The following PTPRD variants were observed in gnomAD, a reference collection of about 807,000 sequenced individuals.
The protein encoded by PTPRD is protein tyrosine phosphatase receptor type D.
A neutral mutation model predicts 214.5 loss-of-function variants in PTPRD; 34 were observed. The observed-to-expected ratio is 0.16, with a 90% CI of 0.12 to 0.21. The LOEUF is 0.21. PTPRD is among the 10% of genes least tolerant of loss of function. PTPRD has a pLI of 1.00. For missense variants in PTPRD, 2,545 were observed against 2,398.7 expected (o/e 1.06, Z -1.27); for synonymous variants, 1,128 against 845.7 (o/e 1.33, Z -5.79).
At chr9:8,539,726 A>G (rs2077878349) in intron 14 of PTPRD, among the ~76,000 whole-genome samples, 2 of 152,070 alleles carry the variant, frequency 1.3e-5, no homozygotes, top group South Asian at 4.1e-4. Flanking sequence ...CCAAACAAGA[A>G]CATTTTGTTA....
chr9:10,465,608 G>A (rs902261552), intron 2 of PTPRD, among the ~76,000 whole-genome samples: 1 of 152,114 alleles, frequency 6.6e-6, no homozygotes, highest in South Asian at 2.1e-4. Context: ...ATACTGAAAA[G>A]CATCACCTTT....
intron 8 of PTPRD, among the ~76,000 whole-genome samples, chr9:9,443,544 G>T (rs747994351): frequency 3.3e-5 from 5 of 152,168 alleles, no homozygotes; most frequent in Non-Finnish European, 7.4e-5. Flanking sequence ...GAGAAAACTG[G>T]CAACTTTGGC....
chr9:10,531,892 T>C (rs833431), intron 2 of PTPRD, among the ~76,000 whole-genome samples: 25,487 of 152,140 alleles, frequency 0.17, 2,816 homozygotes, highest in East Asian at 0.5. Flanking sequence ...AAGTGGACAA[T>C]GGTAACTTTC....
In PTPRD at chr9:10,068,665, C is replaced by T. The variant is rs886605387; in HGVS notation, c.-544-34875G>A. ...TTAGAAACTGGTGTAACCACAAGAG[C>T]TTTTGATGTACCTTTACTCTGTGCC... On this transcript the variant is annotated intron_variant, in intron 3 of 45. Transcript: ENST00000381196. Among the ~76,000 whole-genome samples, 4 of 151,766 alleles carry T rather than the reference C, an allele frequency of 2.6e-5. No individual in the cohort carries two copies. The South Asian group carries it at 8.3e-4, about 31-fold the overall frequency.
At chr9:10,292,200 G>A (rs2095546795) in intron 3 of PTPRD, among the ~76,000 whole-genome samples, 1 of 151,904 alleles carries the variant, frequency 6.6e-6, no homozygotes, top group African/African-American at 2.4e-5. Context: ...AAGATACTGA[G>A]GAGACATGTT....
intron 30 of PTPRD, among the ~76,000 whole-genome samples, chr9:8,471,451 T>A (rs898122244): frequency 6.6e-6 from 1 of 152,100 alleles, no homozygotes; most frequent in Non-Finnish European, 1.5e-5. Flanking sequence ...ATGACATGAA[T>A]TTATAAGAAG....
At chr9:10,203,556 C>A (rs747091250) in intron 3 of PTPRD, among the ~76,000 whole-genome samples, 3 of 152,110 alleles carry the variant, frequency 2.0e-5, no homozygotes, top group Non-Finnish European at 4.4e-5. Context: ...TGTGGTTTTA[C>A]AATGACTTCT....
intron 9 of PTPRD, among the ~76,000 whole-genome samples, chr9:9,382,927 G>T (rs577281539): frequency 1.3e-5 from 2 of 151,986 alleles, no homozygotes; most frequent in East Asian, 3.9e-4. Context: ...TAGATAAATG[G>T]ATAAATGAAA....
At chr9:10,079,362 G>A (rs192473499) in intron 3 of PTPRD, among the ~76,000 whole-genome samples, 22 of 152,140 alleles carry the variant, frequency 1.4e-4, no homozygotes, top group Admixed American at 7.2e-4. Flanking sequence ...ATGGTAATAC[G>A]CTTTTTAAAC....
intron 8 of PTPRD, among the ~76,000 whole-genome samples, chr9:9,477,771 T>C (rs965324885): frequency 6.6e-6 from 1 of 152,200 alleles, no homozygotes; most frequent in African/African-American, 2.4e-5. Context: ...ATGAGATCTA[T>C]GCAAAGGATG....
intron 9 of PTPRD, among the ~76,000 whole-genome samples, chr9:9,351,521 C>T (rs1285142954): frequency 6.6e-6 from 1 of 151,988 alleles, no homozygotes; most frequent in Non-Finnish European, 1.5e-5. Flanking sequence ...TTCACGTGAA[C>T]CTTCCTAGGT....
intron 11 of PTPRD, among the ~76,000 whole-genome samples, chr9:8,929,765 A>ATGTGTGTATATATG (rs1301850611): frequency 4.2e-5 from 2 of 48,166 alleles, no homozygotes; most frequent in African/African-American, 7.6e-5. Context: ...ATGTATATAT[A>ATGTGTGTATATATG]TGTGTATATA....
chr9:8,554,978 G>GTA (rs1233503161), intron 14 of PTPRD, among the ~76,000 whole-genome samples: 18 of 145,528 alleles, frequency 1.2e-4, no homozygotes, highest in African/African-American at 5.1e-4. Context: ...ATCCAATTAT[G>GTA]TATATATACA....
At chr9:8,386,785 C>G (rs2087237516) in intron 37 of PTPRD, among the ~76,000 whole-genome samples, 2 of 152,184 alleles carry the variant, frequency 1.3e-5, no homozygotes, top group Admixed American at 1.3e-4. Flanking sequence ...CCAGGAATGC[C>G]TTCTCCTTTC....
chr9:10,012,825 G>C (rs2096629118), intron 4 of PTPRD, among the ~76,000 whole-genome samples: 1 of 151,804 alleles, frequency 6.6e-6, no homozygotes, highest in Non-Finnish European at 1.5e-5. Context: ...TATGTAATTG[G>C]GATAGCTGCT....
At chr9:9,397,052 T>C (rs758909988) in intron 9 of PTPRD, among the ~76,000 whole-genome samples, 3 of 152,036 alleles carry the variant, frequency 2.0e-5, no homozygotes, top group Admixed American at 6.6e-5. Context: ...CTTTCTCTTA[T>C]GGTATGGATA....
chr9:8,335,430 C>A (rs1228911440), intron 43 of PTPRD, among the ~76,000 whole-genome samples: 1 of 152,132 alleles, frequency 6.6e-6, no homozygotes, highest in East Asian at 1.9e-4. Context: ...AGGCCTTTGG[C>A]AAAATTCAAC....
chr9:9,957,312 G>A (rs932473996), intron 4 of PTPRD, among the ~76,000 whole-genome samples: 2 of 152,000 alleles, frequency 1.3e-5, no homozygotes, highest in African/African-American at 4.8e-5. Flanking sequence ...AAACATTAAT[G>A]TACAACCTAA....
At chr9:9,356,046 T>G (rs960736979) in intron 9 of PTPRD, among the ~76,000 whole-genome samples, 1 of 151,242 alleles carries the variant, frequency 6.6e-6, no homozygotes, top group African/African-American at 2.4e-5. Flanking sequence ...CAAGTTTTAG[T>G]GGAATGATGG....
Sources: allele counts gnomAD v4.1 joint callset (sites outside exome capture counted in the v4.1 genomes callset), GRCh38; gene constraint gnomAD v4.1.1; transcripts MANE v1.5; gene names NCBI Gene and HGNC (gene_info 2026-07-23, HGNC 2026-07-21).